The following TPTE2 variants were observed in gnomAD, a reference collection of about 807,000 sequenced individuals.
TPTE2 encodes the protein transmembrane phosphoinositide 3-phosphatase and tensin homolog 2.
In TPTE2, 53 loss-of-function variants were observed where a neutral mutation model predicts 78.6. The observed-to-expected ratio is 0.67, with a 90% CI of 0.54 to 0.85. The LOEUF is 0.85. Among genes scored for constraint, TPTE2 ranks in the 40% least tolerant of loss-of-function variants. The pLI is 0.00. For missense variants in TPTE2, 461 were observed against 623.0 expected (o/e 0.74, Z 2.77); for synonymous variants, 175 against 206.2 (o/e 0.85, Z 1.30).
At chr13:19,423,263 C>T in intron 19 of TPTE2, 99 bp from the exon 23 acceptor site, 3 of 882,756 alleles carry the variant, frequency 3.4e-6, no homozygotes, top group Non-Finnish European at 5.0e-6. Context: ...AAAAAAAAAC[C>T]TCACCATGAA....
intron 13 of TPTE2, among the ~76,000 whole-genome samples, chr13:19,448,350 T>C (rs1251771061): frequency 2.0e-5 from 3 of 152,152 alleles, no homozygotes; most frequent in African/African-American, 7.2e-5. Flanking sequence ...TAAAACACTT[T>C]TGCACAGCAA....
At chr13:19,526,970 G>A (rs770119338) in intron 1 of TPTE2, among the ~76,000 whole-genome samples, 7 of 152,070 alleles carry the variant, frequency 4.6e-5, no homozygotes, top group Non-Finnish European at 1.0e-4. Flanking sequence ...CATGTCAGAT[G>A]GATCCCAGAA....
intron 1 of TPTE2, among the ~76,000 whole-genome samples, chr13:19,522,259 G>A (rs1276435439): frequency 6.6e-6 from 1 of 152,158 alleles, no homozygotes; most frequent in Non-Finnish European, 1.5e-5. Context: ...TAATTATCCT[G>A]GCAATTTGGA....
At chr13:19,472,477 A>T (rs1879685549) in intron 6 of TPTE2, among the ~76,000 whole-genome samples, 1 of 152,132 alleles carries the variant, frequency 6.6e-6, no homozygotes, top group Non-Finnish European at 1.5e-5. Flanking sequence ...TGCCAATTAC[A>T]TTTTTTGGCT....
the TPTE2 span, among the ~76,000 whole-genome samples, chr13:19,542,554 T>C: frequency 2.0e-5 from 3 of 152,184 alleles, no homozygotes; most frequent in Non-Finnish European, 4.4e-5. Context: ...TTATTAAATC[T>C]CCTAATCACC....
intron 3 of TPTE2, among the ~76,000 whole-genome samples, chr13:19,487,346 A>C (rs2137625721): frequency 6.6e-6 from 1 of 152,074 alleles, no homozygotes. Context: ...TCAGGCCCTT[A>C]TCAAAGGCAG....
Position 19,486,821 on chromosome 13 carries a change from T to C in TPTE2, c.120-4274A>G, listed in dbSNP as rs1486673417. Among the ~76,000 whole-genome samples the C allele has an allele frequency of 1.3e-5, 2 of 152,138 alleles. No individual in the cohort carries two copies. Among genetic ancestry groups the C allele is most frequent in the African/African-American group, 4.8e-5 (2 of 41,420 alleles). ...CTGGATGTGTTTCTGCTGGGGGTAG[T>C]CCATAGAGCTATTCTAGCTCAGGAT... On this transcript the variant is annotated intron_variant, in intron 3 of 19. Transcript: ENST00000400230. This position sits in a 1 kb window ranked among gnomAD's most constrained non-coding sequence, Gnocchi z 4.3.
At chr13:19,489,925 T>A (rs532924527) in intron 3 of TPTE2, among the ~76,000 whole-genome samples, 1 of 152,108 alleles carries the variant, frequency 6.6e-6, no homozygotes, top group African/African-American at 2.4e-5. Context: ...ATTAAAAATG[T>A]ACACATCAGG....
the TPTE2 span, among the ~76,000 whole-genome samples, chr13:19,557,181 CA>C: frequency 6.6e-6 from 1 of 152,176 alleles, no homozygotes; most frequent in African/African-American, 2.4e-5. Flanking sequence ...TGTTCTAACC[CA>C]AATTAGTAGC....
chr13:19,451,146 T>C lies in TPTE2; in HGVS notation c.802+19A>G. On this transcript the variant is annotated intron_variant, in intron 11 of 19. Transcript: ENST00000400230. ...CTGTTTTCTACCTACAGTAGCAAAA[T>C]ATAGAGTAATGTACATACTGCATAG... 1.2e-6 allele frequency: 2 copies of C among 1,610,960 alleles called. No individual in the cohort carries two copies. The highest frequency in any genetic ancestry group is 1.7e-4 in the Middle Eastern group (1 of 6,032).
chr13:19,559,416 T>C, the TPTE2 span, among the ~76,000 whole-genome samples: 6,151 of 152,120 alleles, frequency 0.04, 431 homozygotes, highest in African/African-American at 0.14. Flanking sequence ...AGTGTTATTG[T>C]TCTGCAGGGC....
At position 19,498,052 on chromosome 13, in the gene TPTE2, A is replaced by G. The variant is rs866389954; in HGVS notation, c.12-4551T>C. Reference sequence around the variant, plus strand: ...ATCAACTGGAAGAAAGGGTATCAGCAATGGAAGATGAAATGAATGAAATGA... The same window carrying G: ...ATCAACTGGAAGAAAGGGTATCAGCGATGGAAGATGAAATGAATGAAATGA... On this transcript the variant is annotated intron_variant, in intron 1 of 19. Transcript: ENST00000400230. Among the ~76,000 whole-genome samples, 872 of 150,964 alleles carry G rather than the reference A, an allele frequency of 5.8e-3. 7 individuals carry two copies. The highest frequency in any genetic ancestry group is 0.021 in the Middle Eastern group (6 of 286).
chr13:19,520,843 T>TCTATGA (rs1870103058), intron 1 of TPTE2, among the ~76,000 whole-genome samples: 2 of 152,196 alleles, frequency 1.3e-5, no homozygotes, highest in Middle Eastern at 3.4e-3. Context: ...TTGGATTTCT[T>TCTATGA]CTATGACCAA....
chr13:19,508,473 T>C (rs2497264), intron 1 of TPTE2, among the ~76,000 whole-genome samples: 149,441 of 151,976 alleles, frequency 0.98, 73,523 homozygotes, highest in Middle Eastern at 1. Flanking sequence ...GAATGGGAGT[T>C]GTAAGAAAAA....
At chr13:19,459,009 T>C (rs1317328147) in intron 10 of TPTE2, among the ~76,000 whole-genome samples, 2 of 152,082 alleles carry the variant, frequency 1.3e-5, no homozygotes, top group South Asian at 2.1e-4. Flanking sequence ...GTCTTCCACA[T>C]GGGTCGAACT....
chr13:19,426,597 C>T, intron 17 of TPTE2, 80 bp from the exon 21 acceptor site: 2 of 787,406 alleles, frequency 2.5e-6, no homozygotes. Flanking sequence ...TCATGACTTC[C>T]TGTATTTATC....
chr13:19,424,955 T>C (rs983079526), exon 19 of TPTE2: 10 of 1,518,630 alleles, frequency 6.6e-6, no homozygotes, highest in Non-Finnish European at 9.0e-6. Context: ...ACCTGTTATT[T>C]TGAATAAAAG....
At chr13:19,534,228 G>C (rs1203797373) in intron 1 of TPTE2, among the ~76,000 whole-genome samples, 1 of 152,248 alleles carries the variant, frequency 6.6e-6, no homozygotes, top group Admixed American at 6.5e-5. Context: ...TAATTTACGG[G>C]AACAACATCC....
At chr13:19,542,482 C>A in the TPTE2 span, among the ~76,000 whole-genome samples, 3 of 152,078 alleles carry the variant, frequency 2.0e-5, no homozygotes, top group African/African-American at 7.2e-5. Context: ...TATACTATTT[C>A]TATTAATTTC....
Sources: gnomAD v4.1 joint callset for allele counts (sites outside exome capture counted in the v4.1 genomes callset) on GRCh38, gnomAD v4.1.1 for gene constraint, Gnocchi (gnomAD v3.1) non-coding constraint, MANE v1.5 for transcripts, NCBI Gene and HGNC (gene_info 2026-07-23, HGNC 2026-07-21) for gene names.